KMO: variants seen among roughly 807,000 people sequenced by gnomAD.
KMO encodes the protein kynurenine 3-hydroxylase.
Under a neutral mutation model 57.8 loss-of-function variants are expected in KMO, and 24 were observed. The ratio of observed to expected loss-of-function variants is 0.42; its 90% CI spans 0.30 to 0.58. The LOEUF (loss-of-function observed/expected upper bound fraction) is 0.58, where lower values mean the gene tolerates loss of function less well. Ranked by LOEUF, KMO falls within the 20% of genes least tolerant of loss-of-function variation. The pLI, the probability that KMO is intolerant of heterozygous loss-of-function variation, is 0.22. For synonymous variants in KMO, 210 were observed against 193.6 expected (o/e 1.08, Z -0.70); for missense variants, 483 against 588.2 (o/e 0.82, Z 1.85).
At chr1:241,547,127 T>C (rs150078065) in intron 1 of KMO, among the ~76,000 whole-genome samples, 2 of 152,246 alleles carry the variant, frequency 1.3e-5, no homozygotes, top group East Asian at 3.9e-4. Context: ...AAGCTACTGG[T>C]AGGGCAACAC....
intron 3 of KMO, among the ~76,000 whole-genome samples, chr1:241,550,323 A>G (rs551513277): frequency 1.3e-5 from 2 of 152,218 alleles, no homozygotes; most frequent in Non-Finnish European, 2.9e-5. Context: ...ACTTTCTAAA[A>G]TTGAAAAATT....
chr1:241,556,617 C>T lies in KMO; in HGVS notation c.361+957C>T, dbSNP rs570336590. ...CTTTTGGGCCAGGCGTGGTGGCTCACGCCTGTAATCCCAGCACATTGGGAG... is the reference window on the plus strand; with the variant it reads ...CTTTTGGGCCAGGCGTGGTGGCTCATGCCTGTAATCCCAGCACATTGGGAG... On this transcript the variant is annotated intron_variant, in intron 5 of 14. Coordinates refer to ENST00000366559, the MANE Select transcript of KMO (RefSeq NM_003679.5). Among the ~76,000 whole-genome samples, 14 of 152,272 alleles carry T rather than the reference C, an allele frequency of 9.2e-5. No individual in the cohort carries two copies. In the South Asian group the frequency reaches 2.1e-3, roughly 23 times the overall value.
At chr1:241,567,424 A>G (rs1313927749) in intron 9 of KMO, among the ~76,000 whole-genome samples, 1 of 152,162 alleles carries the variant, frequency 6.6e-6, no homozygotes, top group Non-Finnish European at 1.5e-5. Context: ...TTATAAAAGC[A>G]CTAATCCCAC....
chr1:241,583,797 C>G (rs2880422), intron 10 of KMO, among the ~76,000 whole-genome samples: 1 of 111,680 alleles, frequency 9.0e-6, no homozygotes, highest in East Asian at 3.0e-4. Flanking sequence ...GTATATGTGG[C>G]TGACCATATA....
chr1:241,579,127 A>C (rs1662654702), intron 10 of KMO, among the ~76,000 whole-genome samples: 1 of 152,044 alleles, frequency 6.6e-6, no homozygotes, highest in South Asian at 2.1e-4. Flanking sequence ...CTGAGGTCAT[A>C]CACAAATTTT....
intron 1 of KMO, among the ~76,000 whole-genome samples, chr1:241,546,545 T>G (rs1017295126): frequency 5.3e-5 from 8 of 151,846 alleles, no homozygotes; most frequent in Non-Finnish European, 2.9e-5. Flanking sequence ...GGCAGAAAGG[T>G]GAAAATGAAA....
chr1:241,575,688 C>T (rs1329427374), intron 10 of KMO, among the ~76,000 whole-genome samples: 1 of 151,976 alleles, frequency 6.6e-6, no homozygotes, highest in Non-Finnish European at 1.5e-5. Flanking sequence ...TTATGACCTA[C>T]CATATGGTTT....
In KMO at chr1:241,592,012, A is replaced by G; in HGVS notation, c.1320A>G (p.Leu440=). 2.5e-6 allele frequency: 4 copies of G among 1,614,000 alleles called. No homozygotes were observed. The highest frequency in any genetic ancestry group is 2.2e-5 in the East Asian group (1 of 44,876). Residue 440 remains leucine, a synonymous_variant, in exon 15 of 15, where the codon CTA becomes CTG. Coordinates refer to ENST00000366559, the MANE Select transcript of KMO (RefSeq NM_003679.5). The stretch of plus-strand genomic sequence containing the variant: ...TGATAGCCATCAGCAGTACCTACCT[A>G]CTTATACACTACATGTCACCACGAT... ...GSLIAISSTY[L]LIHYMSPRSF...
At chr1:241,551,985 T>G (rs1661414998) in intron 4 of KMO, among the ~76,000 whole-genome samples, 1 of 147,098 alleles carries the variant, frequency 6.8e-6, no homozygotes, top group South Asian at 2.2e-4. Flanking sequence ...CACTGTTCAC[T>G]TGTATTAACA....
intron 10 of KMO, among the ~76,000 whole-genome samples, chr1:241,580,269 A>G (rs1359656032): frequency 6.6e-6 from 1 of 152,120 alleles, no homozygotes; most frequent in Non-Finnish European, 1.5e-5. Context: ...TAGTCTCTAC[A>G]TATATCTCTA....
At chr1:241,580,859 G>T (rs1662722502) in intron 10 of KMO, among the ~76,000 whole-genome samples, 1 of 151,876 alleles carries the variant, frequency 6.6e-6, no homozygotes, top group Admixed American at 6.6e-5. Context: ...ATACATATTA[G>T]GTCCATTTCT....
At chr1:241,565,864 T>C (rs1662056579) in intron 8 of KMO, among the ~76,000 whole-genome samples, 4 of 152,078 alleles carry the variant, frequency 2.6e-5, no homozygotes, top group African/African-American at 9.7e-5. Flanking sequence ...AATACAATCC[T>C]AAAAGGAAGA....
At chr1:241,564,711 T>TTCTC (rs10637579) in intron 7 of KMO, among the ~76,000 whole-genome samples, 128,510 of 151,630 alleles carry the variant, frequency 0.85, 55,239 homozygotes, top group Non-Finnish European at 0.93. Flanking sequence ...ACATAAGATG[T>TTCTC]TCTCTCTGTC....
At chr1:241,547,596 A>AG (rs1253121108) in intron 1 of KMO, among the ~76,000 whole-genome samples, 3 of 152,000 alleles carry the variant, frequency 2.0e-5, no homozygotes, top group Non-Finnish European at 4.4e-5. Flanking sequence ...AAAAAAAAAA[A>AG]AAAGTGCTCA....
intron 10 of KMO, among the ~76,000 whole-genome samples, chr1:241,581,155 T>C (rs1174788379): frequency 6.6e-6 from 1 of 152,174 alleles, no homozygotes; most frequent in African/African-American, 2.4e-5. Flanking sequence ...TCCTGCTCTT[T>C]TATGATTTCC....
chr1:241,560,636 T>C (rs775949327), intron 5 of KMO, 29 bp from the exon 6 acceptor site: 31 of 1,473,760 alleles, frequency 2.1e-5, no homozygotes, highest in Non-Finnish European at 2.9e-5. Context: ...AGATTTCATT[T>C]CTGTTTGCCT....
intron 14 of KMO, among the ~76,000 whole-genome samples, chr1:241,591,444 G>GA (rs1663297785): frequency 6.7e-6 from 1 of 149,598 alleles, no homozygotes; most frequent in African/African-American, 2.5e-5. Flanking sequence ...AAAAAGAAAA[G>GA]AAATAGGCCA....
intron 7 of KMO, among the ~76,000 whole-genome samples, chr1:241,564,641 G>A (rs1172077527): frequency 2.0e-5 from 3 of 151,942 alleles, no homozygotes; most frequent in Non-Finnish European, 4.4e-5. Flanking sequence ...CTAGATATGT[G>A]CATGTGTGTG....
intron 9 of KMO, among the ~76,000 whole-genome samples, chr1:241,567,173 C>T (rs547999927): frequency 4.6e-5 from 7 of 152,136 alleles, no homozygotes; most frequent in Admixed American, 6.6e-5. Flanking sequence ...ATGAAGGCAG[C>T]GCAATGCTAC....
Sources: allele counts gnomAD v4.1 joint callset (sites outside exome capture counted in the v4.1 genomes callset), GRCh38; gene constraint gnomAD v4.1.1; transcripts MANE v1.5; gene names NCBI Gene and HGNC (gene_info 2026-07-23, HGNC 2026-07-21).